The following RBM33 variants were observed in gnomAD, a reference collection of about 807,000 sequenced individuals.
RBM33 encodes the protein RNA binding motif protein 33, also known as RNA-binding protein 33.
Under a neutral mutation model 132.6 loss-of-function variants are expected in RBM33, and 28 were observed. That is an observed-to-expected ratio of 0.21 (90% confidence interval 0.16 to 0.29). RBM33 has a LOEUF of 0.29. Ranked by LOEUF, RBM33 falls within the 10% of genes least tolerant of loss-of-function variation. The pLI, the probability that RBM33 is intolerant of heterozygous loss-of-function variation, is 1.00. For missense variants in RBM33, 1,291 were observed against 1,518.5 expected, an observed-to-expected ratio of 0.85 and a Z score of 2.49; for synonymous variants, 634 against 593.0, an observed-to-expected ratio of 1.07 and a Z score of -1.01.
intron 8 of RBM33, among the ~76,000 whole-genome samples, chr7:155,712,805 G>C (rs1404158995): frequency 6.6e-6 from 1 of 152,252 alleles, no homozygotes; most frequent in East Asian, 1.9e-4. Flanking sequence ...GTGGGGCCGT[G>C]GGGCCATCCA....
At chr7:155,656,318 A>G (rs1798489627) in intron 1 of RBM33, among the ~76,000 whole-genome samples, 1 of 152,210 alleles carries the variant, frequency 6.6e-6, no homozygotes, top group South Asian at 2.1e-4. Flanking sequence ...ATGGTGGCAC[A>G]AAATCATGGT....
At chr7:155,702,494 T>C (rs4716538) in intron 6 of RBM33, among the ~76,000 whole-genome samples, 10,506 of 152,252 alleles carry the variant, frequency 0.069, 514 homozygotes, top group African/African-American at 0.14. Context: ...TTCTAAGAAA[T>C]AGAGTCTGGC....
At chr7:155,752,671 G>A (rs1307024244) in intron 14 of RBM33, among the ~76,000 whole-genome samples, 1 of 152,182 alleles carries the variant, frequency 6.6e-6, no homozygotes, top group East Asian at 1.9e-4. Context: ...CGCCCTGTGA[G>A]AACCACTGGT....
chr7:155,738,196 A>G lies in RBM33; in HGVS notation c.1530A>G (p.Gly510=), dbSNP rs1801191503. The change falls in exon 11 of 18, where the codon GGA becomes GGG. Residue 510 remains glycine, a synonymous_variant. Coordinates refer to ENST00000401878, the MANE Select transcript of RBM33 (RefSeq NM_053043.3). ...TQSPLPFTQP[G]PAFNQQGQQP... is the part of the protein sequence containing the mutation. ...GTCCTCTACCATTCACTCAGCCAGG[A>G]CCAGCATTTAATCAGCAAGGACAGC... 1 of 1,613,792 alleles carries G rather than the reference A, an allele frequency of 6.2e-7. No individual in the cohort carries two copies.
At chr7:155,679,513 A>G (rs561961720) in intron 4 of RBM33, among the ~76,000 whole-genome samples, 1 of 149,940 alleles carries the variant, frequency 6.7e-6, no homozygotes, top group Admixed American at 6.6e-5. Flanking sequence ...ACACACTGGT[A>G]GGTGGAATAA....
chr7:155,779,301 A>G lies in RBM33; in HGVS notation c.*4260A>G, dbSNP rs1404922682. On this transcript the variant is annotated 3_prime_UTR_variant, in exon 18 of 18. Transcript: ENST00000401878. ...AAAAATTAGAGGTGACGATTCTACC[A>G]GGGAGTTGACTGATAGGAGTGTGTG... is the stretch of plus-strand genomic sequence containing the variant. The G allele has an allele frequency of 1.3e-5, 2 of 151,950 alleles. No homozygotes were observed. The highest frequency in any genetic ancestry group is 2.4e-5 in the African/African-American group (1 of 41,320). 9.4% of individuals were successfully genotyped at this position (151,950 alleles called of 1,614,324 possible).
chr7:155,706,935 G>A lies in RBM33; in HGVS notation c.815G>A (p.Ser272Asn). ...CGACAGCATAAACAAGGACGCTACA[G>A]CTCCAGGCGGGGAGGACGGCGAGGA... ...RERQHKQGRY[S>N]SRRGGRRGGP... Residue 272 changes from serine (S) to asparagine (N), a missense_variant, in exon 7 of 18, where the codon AGC (serine) becomes AAC (asparagine). Ser to Asn is a conservative substitution (Grantham distance 46). Transcript: ENST00000401878. The A allele has an allele frequency of 1.9e-6, 3 of 1,606,308 alleles. No individual in the cohort carries two copies. Among genetic ancestry groups the A allele is most frequent in the Non-Finnish European group, 2.5e-6 (3 of 1,176,612 alleles).
At chr7:155,661,128 G>A (rs190709060) in intron 1 of RBM33, among the ~76,000 whole-genome samples, 28,718 of 79,908 alleles carry the variant, frequency 0.36, 4,102 homozygotes, top group East Asian at 0.44. Context: ...GTGTGTGTGT[G>A]TGTATATATA....
At chr7:155,761,990 AT>A (rs910161605) in intron 14 of RBM33, among the ~76,000 whole-genome samples, 1 of 152,004 alleles carries the variant, frequency 6.6e-6, no homozygotes, top group African/African-American at 2.4e-5. Context: ...TGTTTGTATT[AT>A]TTTTATTTCT....
chr7:155,668,929 T>C (rs1303045583), intron 2 of RBM33, among the ~76,000 whole-genome samples: 10 of 152,250 alleles, frequency 6.6e-5, no homozygotes, highest in Admixed American at 6.5e-4. Context: ...CTTTGGCAGC[T>C]GTCTTGCTTT....
At chr7:155,654,072 A>G (rs7801726) in intron 1 of RBM33, among the ~76,000 whole-genome samples, 5,279 of 152,310 alleles carry the variant, frequency 0.035, 312 homozygotes, top group African/African-American at 0.12. Flanking sequence ...GGCTGAGTGA[A>G]GTGTAATAAT....
At chr7:155,707,304 A>G (rs1231954145) in intron 7 of RBM33, 2 of 638,586 alleles carry the variant, frequency 3.1e-6, no homozygotes, top group Admixed American at 4.2e-5. Context: ...ATACTTCCAG[A>G]GGAGGAATTA....
intron 8 of RBM33, among the ~76,000 whole-genome samples, chr7:155,716,287 T>C (rs1800457824): frequency 6.8e-6 from 1 of 147,218 alleles, no homozygotes; most frequent in African/African-American, 2.5e-5. Context: ...GCAGCAACCC[T>C]TTTTGTCAGC....
chr7:155,685,037 T>A (rs1299785560), intron 5 of RBM33: 2 of 1,550,144 alleles, frequency 1.3e-6, no homozygotes, highest in East Asian at 2.4e-5. Flanking sequence ...CCCAGGTTGC[T>A]CCTGCAACTG....
At chr7:155,735,471 G>A (rs1290747409) in intron 9 of RBM33, among the ~76,000 whole-genome samples, 1 of 152,216 alleles carries the variant, frequency 6.6e-6, no homozygotes, top group East Asian at 1.9e-4. Context: ...TTAGGAGGCT[G>A]AGGTGGAAGA....
At chr7:155,672,846 G>T in intron 2 of RBM33, 21 bp from the exon 3 acceptor site, 1 of 1,531,888 alleles carries the variant, frequency 6.5e-7, no homozygotes. Flanking sequence ...TCATTGACAT[G>T]TCTCTTTTTT....
rs1482300956 is a variant in RBM33 at position 155,664,951 on chromosome 7, A to G, written c.44-224A>G. Among the ~76,000 whole-genome samples, 4 of 151,218 alleles carry G rather than the reference A, an allele frequency of 2.6e-5. 1 individual carries two copies. The South Asian group carries it at 8.3e-4, about 32-fold the overall frequency. On this transcript the variant is annotated intron_variant, in intron 1 of 17. Coordinates refer to ENST00000401878, the MANE Select transcript of RBM33 (RefSeq NM_053043.3). ...TTTGAAAACCTGTTAGTGATTTTTC[A>G]TGCCCAATAATGTTCAATAAGTTGG...
At chr7:155,681,057 T>C in intron 5 of RBM33, 149 bp downstream of exon 5, 3 of 656,058 alleles carry the variant, frequency 4.6e-6, no homozygotes, top group Non-Finnish European at 7.7e-6. Context: ...ATCTGAGCTA[T>C]GACAAAGTTT....
intron 16 of RBM33, among the ~76,000 whole-genome samples, chr7:155,770,517 A>G (rs566774489): frequency 1.3e-5 from 2 of 152,088 alleles, no homozygotes; most frequent in South Asian, 4.2e-4. Flanking sequence ...GGTGGGGCTC[A>G]AGAATTTACA....
Sources: allele counts gnomAD v4.1 joint callset (sites outside exome capture counted in the v4.1 genomes callset), GRCh38; gene constraint gnomAD v4.1.1; transcripts MANE v1.5; gene names NCBI Gene and HGNC (gene_info 2026-07-23, HGNC 2026-07-21).